The following NALF1 variants were observed in gnomAD, a reference collection of about 807,000 sequenced individuals.
The protein encoded by NALF1 is family with sequence similarity 155 member A.
NALF1 carries 3 observed loss-of-function variants against 48.4 expected under a neutral mutation model. The ratio of observed to expected loss-of-function variants is 0.06; its 90% CI spans 0.03 to 0.16. The LOEUF (loss-of-function observed/expected upper bound fraction) is 0.16, where lower values mean the gene tolerates loss of function less well. NALF1 is among the 10% of genes least tolerant of loss of function. NALF1 has a pLI of 1.00. For synonymous variants in NALF1, 262 were observed against 245.7 expected, an observed-to-expected ratio of 1.07 and a Z score of -0.62; for missense variants, 526 against 571.5, an observed-to-expected ratio of 0.92 and a Z score of 0.81.
chr13:107,435,966 G>A (rs144465874), intron 1 of NALF1, among the ~76,000 whole-genome samples: 2 of 152,218 alleles, frequency 1.3e-5, no homozygotes, highest in East Asian at 1.9e-4. Context: ...GCCCAACACT[G>A]TTGAGAAACT....
chr13:107,784,081 T>C (rs555994015), intron 1 of NALF1, among the ~76,000 whole-genome samples: 1 of 152,088 alleles, frequency 6.6e-6, no homozygotes, highest in Non-Finnish European at 1.5e-5. Context: ...CAGCTGTAGA[T>C]AGTATTTTAG....
At chr13:107,246,901 T>C (rs546485702) in intron 1 of NALF1, among the ~76,000 whole-genome samples, 14 of 152,242 alleles carry the variant, frequency 9.2e-5, no homozygotes, top group African/African-American at 2.9e-4. Context: ...ATTTTCTGGA[T>C]TAAAAATGCA....
At chr13:107,773,807 A>G (rs1170440853) in intron 1 of NALF1, among the ~76,000 whole-genome samples, 1 of 151,878 alleles carries the variant, frequency 6.6e-6, no homozygotes, top group Non-Finnish European at 1.5e-5. Flanking sequence ...GTAGCACACC[A>G]ACATGGCACA....
chr13:107,437,009 C>T (rs960671673), intron 1 of NALF1, among the ~76,000 whole-genome samples: 1 of 151,910 alleles, frequency 6.6e-6, no homozygotes, highest in Non-Finnish European at 1.5e-5. Context: ...TAAGTGGTAT[C>T]CGGGACATAC....
At chr13:107,183,759 C>T (rs1055017942) in intron 2 of NALF1, among the ~76,000 whole-genome samples, 10 of 152,056 alleles carry the variant, frequency 6.6e-5, no homozygotes, top group African/African-American at 2.2e-4. Flanking sequence ...AACCAAACAA[C>T]GCATGTTCTC....
chr13:107,590,578 G>A (rs899411493), intron 1 of NALF1, among the ~76,000 whole-genome samples: 1 of 151,958 alleles, frequency 6.6e-6, no homozygotes, highest in East Asian at 1.9e-4. Flanking sequence ...GAAAGATTTA[G>A]AACAGAGAAG....
chr13:107,855,253 AT>A (rs1880416067), intron 1 of NALF1, among the ~76,000 whole-genome samples: 1 of 152,234 alleles, frequency 6.6e-6, no homozygotes, highest in African/African-American at 2.4e-5. Context: ...GCCTATGCTC[AT>A]TCCTTACACC....
intron 1 of NALF1, among the ~76,000 whole-genome samples, chr13:107,629,594 C>T (rs545798421): frequency 3.8e-5 from 4 of 106,576 alleles, no homozygotes; most frequent in South Asian, 3.2e-4. Context: ...AGTATCTCCC[C>T]TCACCCTTCC....
chr13:107,303,205 A>G (rs9520371), intron 1 of NALF1, among the ~76,000 whole-genome samples: 113,545 of 151,982 alleles, frequency 0.75, 42,955 homozygotes, highest in Non-Finnish European at 0.81. Context: ...AGAAATGTCT[A>G]CGTAAGTTCT....
chr13:107,450,295 T>TG (rs1469881773), intron 1 of NALF1, among the ~76,000 whole-genome samples: 1 of 151,682 alleles, frequency 6.6e-6, no homozygotes. Flanking sequence ...AAGAAGAATG[T>TG]GGGAAAACAA....
chr13:107,657,031 G>C (rs1880597070), intron 1 of NALF1, among the ~76,000 whole-genome samples: 1 of 152,010 alleles, frequency 6.6e-6, no homozygotes, highest in Non-Finnish European at 1.5e-5. Context: ...GAAGGGTTGA[G>C]GGTGGTGAGG....
chr13:107,287,241 A>T (rs1212204020), intron 1 of NALF1, among the ~76,000 whole-genome samples: 1 of 152,222 alleles, frequency 6.6e-6, no homozygotes, highest in Non-Finnish European at 1.5e-5. Context: ...AAAACTGATG[A>T]GGTACAAACA....
intron 1 of NALF1, among the ~76,000 whole-genome samples, chr13:107,636,893 T>C (rs1004335879): frequency 1.4e-5 from 1 of 72,320 alleles, no homozygotes; most frequent in African/African-American, 3.5e-5. Context: ...TTATATATAT[T>C]ATATTATATT....
chr13:107,331,056 G>A (rs1882459483), intron 1 of NALF1, among the ~76,000 whole-genome samples: 1 of 152,070 alleles, frequency 6.6e-6, no homozygotes, highest in Non-Finnish European at 1.5e-5. Context: ...GATTAGGATG[G>A]TAAAAGAAGA....
intron 2 of NALF1, among the ~76,000 whole-genome samples, chr13:107,191,275 AT>A (rs1425433061): frequency 1.3e-5 from 2 of 150,766 alleles, no homozygotes; most frequent in Non-Finnish European, 3.0e-5. Flanking sequence ...AAAAAAAAAA[AT>A]GAGTTTGAAA....
At chr13:107,607,011 C>T (rs1879092168) in intron 1 of NALF1, among the ~76,000 whole-genome samples, 1 of 152,122 alleles carries the variant, frequency 6.6e-6, no homozygotes, top group African/African-American at 2.4e-5. Flanking sequence ...ATTCTGAAGG[C>T]AGATTCTTAT....
intron 1 of NALF1, among the ~76,000 whole-genome samples, chr13:107,221,903 T>C (rs1004268135): frequency 3.3e-5 from 5 of 152,216 alleles, no homozygotes; most frequent in African/African-American, 1.2e-4. Flanking sequence ...AAATATCTTT[T>C]CTGGGGTTAA....
chr13:107,804,482 TC>T (rs967058090), intron 1 of NALF1, among the ~76,000 whole-genome samples: 2 of 151,344 alleles, frequency 1.3e-5, no homozygotes, highest in African/African-American at 2.4e-5. Flanking sequence ...ATACCCTCAC[TC>T]TAGCTCCCTG....
rs904376178 is a variant in NALF1, at chr13:107,750,096, C to T, written c.915+115586G>A. ...GCCTCCCAAAGTGTTTTTAAATTTT[C>T]ATTGATTAAAATTAGATGCAATGAT... On this transcript the variant is annotated intron_variant, in intron 1 of 2. Coordinates refer to ENST00000375915, the MANE Select transcript of NALF1 (RefSeq NM_001080396.3). Among the ~76,000 whole-genome samples the T allele has an allele frequency of 5.3e-5, 8 of 152,254 alleles. No individual in the cohort carries two copies. The East Asian group carries it at 1.4e-3, about 26-fold the overall frequency.
Sources: gnomAD v4.1 joint callset for allele counts (sites outside exome capture counted in the v4.1 genomes callset) on GRCh38, gnomAD v4.1.1 for gene constraint, MANE v1.5 for transcripts, NCBI Gene and HGNC (gene_info 2026-07-23, HGNC 2026-07-21) for gene names.